Variants in BEST4 observed in about 807,000 individuals in gnomAD.
BEST4 encodes the protein bestrophin-4.
In BEST4, 36 loss-of-function variants were observed where a neutral mutation model predicts 47.1. The ratio of observed to expected loss-of-function variants is 0.76; its 90% CI spans 0.59 to 1.01. The LOEUF (loss-of-function observed/expected upper bound fraction) is 1.01. Among genes scored for constraint, BEST4 ranks in the 50% least tolerant of loss-of-function variants. The pLI, the probability that BEST4 is intolerant of heterozygous loss-of-function variation, is 0.00. For missense variants in BEST4, 550 were observed against 648.6 expected (o/e 0.85, Z 1.65); for synonymous variants, 250 against 277.8 (o/e 0.90, Z 1.00).
Position 44,786,990 on chromosome 1 carries a change from A to G in BEST4, c.248-294T>C, listed in dbSNP as rs1219975131. ...CTGCAGTGCCCAGGGTGGGCTTGTG[A>G]GGCCAGCAGGTGTCTTGTGCCTTGC... On this transcript the variant is annotated intron_variant, in intron 2 of 8. Transcript: ENST00000372207. This position sits in a 1 kb window ranked among gnomAD's most constrained non-coding sequence, Gnocchi z 4.9. Among the ~76,000 whole-genome samples, 1 of 152,052 alleles carries G rather than the reference A, an allele frequency of 6.6e-6. No individual in the cohort carries two copies. The highest frequency in any genetic ancestry group is 2.4e-5 in the African/African-American group (1 of 41,388).
At position 44,786,285 on chromosome 1, in the gene BEST4, C is replaced by G; in HGVS notation, c.482-57G>C. On this transcript the variant is annotated intron_variant, in intron 3 of 8. Coordinates refer to ENST00000372207, the MANE Select transcript of BEST4 (RefSeq NM_153274.3). This position sits in a 1 kb window ranked among gnomAD's most constrained non-coding sequence, Gnocchi z 4.9. ...CACCCTCTGCCGCCAGGGGAGGCTG[C>G]TGTTCCGCCGTCTGGCTCCCCTCCC... 6.5e-7 allele frequency: 1 copy of G among 1,540,526 alleles called. No individual in the cohort carries two copies. Among genetic ancestry groups the G allele is most frequent in the Non-Finnish European group, 8.7e-7 (1 of 1,142,908 alleles).
Position 44,786,836 on chromosome 1 carries a change from C to T in BEST4, c.248-140G>A. The T allele has an allele frequency of 1.5e-6, 1 of 663,932 alleles. No homozygotes were observed. Among genetic ancestry groups the T allele is most frequent in the Non-Finnish European group, 2.5e-6 (1 of 394,558 alleles). The allele number at this position is 663,932 out of a possible 1,614,324, so 41.1% of individuals were successfully genotyped here. A position where few individuals can be genotyped will look rare whatever the true frequency, so the allele number is the denominator to read the frequency against. ...GGGAAGGAAACATTCAGCTCCAGTG[C>T]CCTGCTGTGCGAGGCCAGGAGGAGG... On this transcript the variant is annotated intron_variant, in intron 2 of 8. Coordinates refer to ENST00000372207, the MANE Select transcript of BEST4 (RefSeq NM_153274.3). The surrounding 1 kb of genome is among the most constrained non-coding windows in gnomAD (Gnocchi z 4.9).
rs191195528 is a variant in BEST4, at chr1:44,787,776, C to T, written c.-71G>A. 39 of 1,563,982 alleles carry T rather than the reference C, an allele frequency of 2.5e-5. No individual in the cohort carries two copies. In the East Asian group the frequency reaches 8.8e-4, roughly 35 times the overall value. On this transcript the variant is annotated 5_prime_UTR_variant, in exon 1 of 9. Transcript: ENST00000372207. ...GCTGTCGTTTAGTTCTCCAGACAAC[C>T]TCCCTTCCACTCTGGTCTCACACAC... is the stretch of plus-strand genomic sequence containing the variant.
upstream of BEST4, among the ~76,000 whole-genome samples, chr1:44,791,425 C>G (rs1039402864): frequency 6.6e-6 from 1 of 152,026 alleles, no homozygotes; most frequent in Non-Finnish European, 1.5e-5. Flanking sequence ...CCTGGGAGTG[C>G]AGGAGCTCAG....
chr1:44,784,107 G>C lies in BEST4; in HGVS notation c.*103C>G. 8.7e-7 allele frequency: 1 copy of C among 1,144,430 alleles called. No homozygotes were observed. Among genetic ancestry groups the C allele is most frequent in the Non-Finnish European group, 1.1e-6 (1 of 875,396 alleles). 70.9% of individuals were successfully genotyped at this position (1,144,430 alleles called of 1,614,324 possible). A position where few individuals can be genotyped will look rare whatever the true frequency, so the allele number is the denominator to read the frequency against. ...TGTCCCTAAATGCTCTGGCCTTCAA[G>C]GCACACAGGAAAAGCTGCTCTAATA... On this transcript the variant is annotated 3_prime_UTR_variant, in exon 9 of 9. Coordinates refer to ENST00000372207, the MANE Select transcript of BEST4 (RefSeq NM_153274.3). The surrounding 1 kb of genome is among the most constrained non-coding windows in gnomAD (Gnocchi z 6.2).
At chr1:44,782,633 TAAA>T (rs1557611425), downstream of BEST4, among the ~76,000 whole-genome samples, 17 of 43,398 alleles carry the variant, frequency 3.9e-4, no homozygotes, top group Non-Finnish European at 6.7e-4. Flanking sequence ...CCGTCTCAAA[TAAA>T]TAAATAAATA....
downstream of BEST4, among the ~76,000 whole-genome samples, chr1:44,783,337 A>T (rs188183537): frequency 1.1e-3 from 162 of 151,930 alleles, no homozygotes; most frequent in African/African-American, 3.9e-3. Flanking sequence ...TTCTACCCGT[A>T]AACTGTACTT....
At position 44,786,560 on chromosome 1, in the gene BEST4, G is replaced by A. The variant is rs1438448367; in HGVS notation, c.384C>T (p.Leu128=). ...DQRGRLLRRT[L]IRYANLASVL... ...CGGACGCCAGGTTCGCGTAGCGGAT[G>A]AGGGTGCGGCGCAGCAGGCGGCCCC... Residue 128 remains leucine, a synonymous_variant, in exon 3 of 9, where the codon CTC becomes CTT. Transcript: ENST00000372207. This position sits in a 1 kb window ranked among gnomAD's most constrained non-coding sequence, Gnocchi z 4.9. The A allele has an allele frequency of 6.4e-7, 1 of 1,550,504 alleles. No individual in the cohort carries two copies. The highest frequency in any genetic ancestry group is 2.0e-5 in the Admixed American group (1 of 51,064).
Position 44,784,953 on chromosome 1 carries a change from C to T in BEST4, c.945G>A (p.Glu315=), listed in dbSNP as rs1651166416. 4.3e-6 allele frequency: 7 copies of T among 1,614,182 alleles called. No homozygotes were observed. Among genetic ancestry groups the T allele is most frequent in the Non-Finnish European group, 5.9e-6 (7 of 1,180,048 alleles). ...GATTTGTCTCAAAGTCGTCATCATC[C>T]TCACCAAATGGGTTGATGATCTGTT... ...VAEQIINPFG[E]DDDDFETNQL... The change falls in exon 7 of 9, where the codon GAG becomes GAA. Residue 315 remains glutamate, a synonymous_variant. Transcript: ENST00000372207. This position sits in a 1 kb window ranked among gnomAD's most constrained non-coding sequence, Gnocchi z 6.2.
chr1:44,792,549 G>A (rs1197437108), upstream of BEST4, among the ~76,000 whole-genome samples: 1 of 152,070 alleles, frequency 6.6e-6, no homozygotes, highest in African/African-American at 2.4e-5. Flanking sequence ...CAGGTGAGTG[G>A]GAAGTGCTAC....
Position 44,784,996 on chromosome 1 carries a change from C to T in BEST4, c.913-11G>A. On this transcript the variant is annotated splice_polypyrimidine_tract_variant and intron_variant, in intron 6 of 8. Transcript: ENST00000372207. This position sits in a 1 kb window ranked among gnomAD's most constrained non-coding sequence, Gnocchi z 6.2. Reference sequence around the variant, plus strand: ...GATCTGTTCAGCCACCTATAGGTGGCAGAGACAGGGTTTTCTGGGTTCAGA... The same window carrying T: ...GATCTGTTCAGCCACCTATAGGTGGTAGAGACAGGGTTTTCTGGGTTCAGA... 2 of 1,613,672 alleles carry T rather than the reference C, an allele frequency of 1.2e-6. No homozygotes were observed. Among genetic ancestry groups the T allele is most frequent in the Non-Finnish European group, 1.7e-6 (2 of 1,179,804 alleles).
chr1:44,791,856 G>A (rs924379508), upstream of BEST4, among the ~76,000 whole-genome samples: 1 of 152,076 alleles, frequency 6.6e-6, no homozygotes, highest in Non-Finnish European at 1.5e-5. Flanking sequence ...GGATTCCGGA[G>A]CCACACTGCC....
At chr1:44,791,411 A>G (rs1428402640), upstream of BEST4, among the ~76,000 whole-genome samples, 1 of 152,066 alleles carries the variant, frequency 6.6e-6, no homozygotes, top group Non-Finnish European at 1.5e-5. Context: ...TTGGAAAGCC[A>G]GGTCCTGGGA....
upstream of BEST4, among the ~76,000 whole-genome samples, chr1:44,792,785 A>T (rs1212806687): frequency 6.6e-6 from 1 of 151,980 alleles, no homozygotes; most frequent in African/African-American, 2.4e-5. Flanking sequence ...ACCAGCCTGG[A>T]CAACATGGCA....
Position 44,784,680 on chromosome 1 carries a change from G to T in BEST4, c.1097C>A (p.Thr366Lys). The T allele has an allele frequency of 6.2e-7, 1 of 1,613,124 alleles. No individual in the cohort carries two copies. Among genetic ancestry groups the T allele is most frequent in the East Asian group, 2.2e-5 (1 of 44,886 alleles). ...TGAGGGCCGCAGAGACTCGGCCGCC[G>T]TGGCCACAGTGTAGGGTGGCTGCGG... Reference protein sequence around the residue: ...DQPQPPYTVATAAESLRPSFL... With the variant: ...DQPQPPYTVAKAAESLRPSFL... Residue 366 changes from threonine (T) to lysine (K), a missense_variant, in exon 8 of 9, where the codon ACG becomes AAG. By Grantham distance (78) the Thr-to-Lys change is moderately conservative (BLOSUM62 -1). Coordinates refer to ENST00000372207, the MANE Select transcript of BEST4 (RefSeq NM_153274.3). The surrounding 1 kb of genome is among the most constrained non-coding windows in gnomAD (Gnocchi z 6.2).
rs1358817906 is a variant in BEST4 at position 44,786,271 on chromosome 1, G to T, written c.482-43C>A. The T allele has an allele frequency of 6.4e-7, 1 of 1,559,448 alleles. No individual in the cohort carries two copies. The highest frequency in any genetic ancestry group is 2.0e-5 in the Admixed American group (1 of 51,162). On this transcript the variant is annotated intron_variant, in intron 3 of 8. Transcript: ENST00000372207. This position sits in a 1 kb window ranked among gnomAD's most constrained non-coding sequence, Gnocchi z 4.9. Reference sequence around the variant, plus strand: ...GTGGGGTGCAGTTGCACCCTCTGCCGCCAGGGGAGGCTGCTGTTCCGCCGT... The same window carrying T: ...GTGGGGTGCAGTTGCACCCTCTGCCTCCAGGGGAGGCTGCTGTTCCGCCGT...
intron 4 of BEST4, 140 bp downstream of exon 4, chr1:44,785,934 A>C: frequency 9.2e-7 from 1 of 1,085,708 alleles, no homozygotes; most frequent in Non-Finnish European, 1.3e-6. Flanking sequence ...GTAAGGGATG[A>C]ATGAGTTAAC....
In BEST4 at chr1:44,785,243, C is replaced by T. The variant is rs1295053348; in HGVS notation, c.777G>A (p.Glu259=). The T allele has an allele frequency of 3.1e-6, 5 of 1,612,750 alleles. No homozygotes were observed. In the Admixed American group the frequency reaches 6.7e-5, roughly 22 times the overall value. The change falls in exon 6 of 9, where the codon GAG becomes GAA. Residue 259 remains glutamate (E), a synonymous_variant. Transcript: ENST00000372207. ...GAGGTTTGGCAGCCCCTGCCTCTGG[C>T]TCCACAAACTGGCGGCCAACCAGGG... ...ALSLVGRQFV[E]PEAGAAKPQK... is the part of the protein sequence containing the mutation.
At position 44,785,602 on chromosome 1, in the gene BEST4, G is replaced by A. The variant is rs35968184; in HGVS notation, c.711C>T (p.Thr237=). 4.8e-3 allele frequency: 7,523 copies of A among 1,552,736 alleles called. 268 individuals carry two copies. In the African/African-American group the frequency reaches 0.081, roughly 17 times the overall value. Residue 237 remains threonine, a synonymous_variant, in exon 5 of 9, where the codon ACC becomes ACT. Transcript: ENST00000372207. ...TCGGGAGGGGAGAGGCAGTTACTTG[G>A]GTGTAGACGAGGGGGATGCTGATCC... The part of the protein sequence containing the change: ...YDWISIPLVY[T]QVVTIAVYSF...
Sources: allele counts gnomAD v4.1 joint callset (sites outside exome capture counted in the v4.1 genomes callset), GRCh38; gene constraint gnomAD v4.1.1; non-coding constraint Gnocchi (gnomAD v3.1); transcripts MANE v1.5; gene names NCBI Gene and HGNC (gene_info 2026-07-23, HGNC 2026-07-21).